Variants in VPS41 observed in about 807,000 individuals in gnomAD.
The protein encoded by VPS41 is VPS41 subunit of HOPS complex, also known as vacuolar protein sorting-associated protein 41 homolog.
Under a neutral mutation model 130.9 loss-of-function variants are expected in VPS41, and 85 were observed. The ratio of observed to expected loss-of-function variants is 0.65; its 90% confidence interval spans 0.55 to 0.78. The LOEUF (loss-of-function observed/expected upper bound fraction) is 0.78, where lower values mean the gene tolerates loss of function less well. Among genes scored for constraint, VPS41 ranks in the 30% least tolerant of loss-of-function variants. VPS41 has a pLI of 0.00. For missense variants in VPS41, 874 were observed against 1,018.7 expected, an observed-to-expected ratio of 0.86 and a Z score of 1.93; for synonymous variants, 335 against 332.9, an observed-to-expected ratio of 1.01 and a Z score of -0.07.
chr7:38,795,556 T>A lies in VPS41; in HGVS notation c.626A>T (p.Asp209Val). The change falls in exon 9 of 29, where the codon GAT becomes GTT. Residue 209 changes from aspartate to valine, a missense_variant. Coordinates refer to ENST00000310301, the MANE Select transcript of VPS41 (RefSeq NM_014396.4). ...SKQRITNVPR[D>V]DISLRPDMYP... ...CATGTCTGGGCGAAGACTTATATCA[T>A]CCCGGGGCACATTGGTGATTCTTTG... 1 of 1,613,442 alleles carries A rather than the reference T, an allele frequency of 6.2e-7. No individual in the cohort carries two copies. The highest frequency in any genetic ancestry group is 8.5e-7 in the Non-Finnish European group (1 of 1,179,598).
At chr7:38,902,785 A>G (rs1247315793) in intron 1 of VPS41, among the ~76,000 whole-genome samples, 1 of 152,204 alleles carries the variant, frequency 6.6e-6, no homozygotes, top group Non-Finnish European at 1.5e-5. Context: ...GGGATACCCC[A>G]GGGAGAGGTT....
intron 27 of VPS41, among the ~76,000 whole-genome samples, chr7:38,728,097 C>T (rs1037271291): frequency 2.0e-5 from 3 of 152,096 alleles, no homozygotes; most frequent in Admixed American, 2.0e-4. Context: ...TTTTCCCAGA[C>T]ATGTATATGG....
At chr7:38,908,603 G>A (rs1787320001) in intron 1 of VPS41, among the ~76,000 whole-genome samples, 1 of 152,162 alleles carries the variant, frequency 6.6e-6, no homozygotes. Flanking sequence ...TAAATAAGTA[G>A]CTCAAAGTAG....
intron 22 of VPS41, among the ~76,000 whole-genome samples, chr7:38,747,345 A>G (rs1344926076): frequency 1.3e-5 from 2 of 152,244 alleles, no homozygotes; most frequent in African/African-American, 4.8e-5. Context: ...TAAGATACAG[A>G]TAGTTTATAG....
rs150767619 is a variant in VPS41 at position 38,819,090 on chromosome 7, G to A, written c.385-1208C>T. 1.2e-4 allele frequency among the ~76,000 whole-genome samples: 18 copies of A among 152,216 alleles called. No homozygotes were observed. The East Asian group carries it at 3.3e-3, about 28-fold the overall frequency. On this transcript the variant is annotated intron_variant, in intron 6 of 28. Transcript: ENST00000310301. ...CTCGTAATGCATAACTGTAGATCAG[G>A]GACTGATTCCAAACATCTCCTCTGC...
chr7:38,823,969 G>A (rs1785222250), intron 5 of VPS41, among the ~76,000 whole-genome samples: 1 of 152,100 alleles, frequency 6.6e-6, no homozygotes, highest in African/African-American at 2.4e-5. Flanking sequence ...ACTGCATTCA[G>A]GGTTTCACTT....
At position 38,739,883 on chromosome 7, in the gene VPS41, G is replaced by A. The variant is rs377761974; in HGVS notation, c.2259+2102C>T. 7.4e-4 allele frequency among the ~76,000 whole-genome samples: 112 copies of A among 152,278 alleles called. 4 individuals are homozygous for A. In the South Asian group the frequency reaches 0.023, roughly 31 times the overall value. ...AGCTCTAATTAAGAAAAAATATTTA[G>A]TAGCTTCTTTAGTAGATATTTTTAT... On this transcript the variant is annotated intron_variant, in intron 25 of 28. Transcript: ENST00000310301.
chr7:38,889,096 A>G (rs1438438499), intron 2 of VPS41, among the ~76,000 whole-genome samples: 2 of 76,750 alleles, frequency 2.6e-5, no homozygotes, highest in South Asian at 4.7e-4. Flanking sequence ...CCCAGAACTT[A>G]AAGTATAATT....
At chr7:38,732,672 T>A (rs1406588696) in intron 25 of VPS41, among the ~76,000 whole-genome samples, 1 of 152,120 alleles carries the variant, frequency 6.6e-6, no homozygotes, top group East Asian at 1.9e-4. Context: ...TTTGTGTTTT[T>A]AAAAAAAAGA....
intron 2 of VPS41, among the ~76,000 whole-genome samples, chr7:38,897,683 T>C (rs10245322): frequency 0.26 from 38,386 of 149,490 alleles, 6,321 homozygotes; most frequent in Non-Finnish European, 0.38. Context: ...CCAATTTCAA[T>C]GATTCAAAAA....
intron 7 of VPS41, among the ~76,000 whole-genome samples, chr7:38,808,900 A>G (rs780493158): frequency 6.6e-5 from 10 of 152,190 alleles, no homozygotes; most frequent in Non-Finnish European, 1.0e-4. Flanking sequence ...TTCTAAAAAG[A>G]TTTGTAGCCA....
rs113553337 is a variant in VPS41 at position 38,772,464 on chromosome 7, CTTCT to C, written c.1128+54_1128+57del. The C allele has an allele frequency of 0.011, 12,397 of 1,171,948 alleles. 927 individuals are homozygous for C. The African/African-American group carries it at 0.17, about 16-fold the overall frequency. 72.6% of individuals were successfully genotyped at this position (1,171,948 alleles called of 1,614,324 possible). ...AAGATTTATTACAAAAACATTTTAT[CTTCT>C]CTCTCTATGCTGTAGATGAGTCAAT... On this transcript the variant is annotated intron_variant, in intron 13 of 28. Transcript: ENST00000310301.
chr7:38,737,177 T>G (rs755027697), intron 25 of VPS41, among the ~76,000 whole-genome samples: 12 of 152,124 alleles, frequency 7.9e-5, no homozygotes. Context: ...AGATGAAGAC[T>G]ATCCTGGCCA....
intron 3 of VPS41, among the ~76,000 whole-genome samples, chr7:38,863,549 A>T (rs1786165386): frequency 6.6e-6 from 1 of 152,240 alleles, no homozygotes. Context: ...GGAATTGCTT[A>T]AAATGAAATT....
intron 3 of VPS41, among the ~76,000 whole-genome samples, chr7:38,865,973 A>AGAAT (rs1157154454): frequency 6.6e-6 from 1 of 152,256 alleles, no homozygotes; most frequent in Non-Finnish European, 1.5e-5. Context: ...TTACTTTAGT[A>AGAAT]GAATGTTATG....
intron 12 of VPS41, 36 bp from the exon 13 acceptor site, chr7:38,772,673 TG>T (rs752195529): frequency 6.8e-7 from 1 of 1,472,184 alleles, no homozygotes; most frequent in East Asian, 2.3e-5. Context: ...ACTTGGTGAC[TG>T]AACAGCAGAA....
chr7:38,729,389 T>C (rs1795612741), intron 25 of VPS41, among the ~76,000 whole-genome samples: 1 of 152,044 alleles, frequency 6.6e-6, no homozygotes, highest in Non-Finnish European at 1.5e-5. Flanking sequence ...ATCCAAACCA[T>C]TCAGCATAGT....
At chr7:38,797,942 T>C (rs1212282210) in intron 7 of VPS41, among the ~76,000 whole-genome samples, 1 of 152,170 alleles carries the variant, frequency 6.6e-6, no homozygotes, top group Non-Finnish European at 1.5e-5. Flanking sequence ...GCTACGACAG[T>C]TTGAAGTTGT....
intron 25 of VPS41, among the ~76,000 whole-genome samples, chr7:38,729,499 C>T (rs1349023853): frequency 1.3e-5 from 2 of 152,144 alleles, no homozygotes; most frequent in African/African-American, 4.8e-5. Flanking sequence ...ACCATGAATA[C>T]AAATATTCTC....
Sources: gnomAD v4.1 joint callset for allele counts (sites outside exome capture counted in the v4.1 genomes callset) on GRCh38, gnomAD v4.1.1 for gene constraint, MANE v1.5 for transcripts, NCBI Gene and HGNC (gene_info 2026-07-23, HGNC 2026-07-21) for gene names.